MOK: variants seen among roughly 807,000 people sequenced by gnomAD.
The protein encoded by MOK is MAPK/MAK/MRK overlapping kinase.
In MOK, 59 loss-of-function variants were observed where a neutral mutation model predicts 54.2. The observed-to-expected ratio is 1.09, with a 90% CI of 0.88 to 1.35. MOK has a LOEUF of 1.35. MOK is among the 40% of genes most tolerant of loss of function. The pLI is 0.00. For missense variants in MOK, 517 were observed against 526.2 expected (o/e 0.98, Z 0.17); for synonymous variants, 210 against 202.7 (o/e 1.04, Z -0.31).
At position 102,251,129 on chromosome 14, in the gene MOK, T is replaced by C. The variant is rs77802581; in HGVS notation, c.412-139A>G. 4.1e-3 allele frequency: 3,626 copies of C among 882,572 alleles called. 80 individuals are homozygous for C. The highest frequency in any genetic ancestry group is 0.038 in the Admixed American group (1,378 of 36,020). The allele number at this position is 882,572 out of a possible 1,614,324, so 54.7% of individuals were successfully genotyped here. A position where few individuals can be genotyped will look rare whatever the true frequency, so the allele number is the denominator to read the frequency against. The stretch of plus-strand genomic sequence containing the variant: ...TGTAAAATACAAATTACTGGCTTTC[T>C]GAGCACCTCAAAGTGCCTCCAGCAG... On this transcript the variant is annotated intron_variant, in intron 6 of 11. Coordinates refer to ENST00000361847, the MANE Select transcript of MOK (RefSeq NM_014226.3).
intron 2 of MOK, among the ~76,000 whole-genome samples, chr14:102,271,647 C>T (rs2068376903): frequency 6.6e-6 from 1 of 152,036 alleles, no homozygotes; most frequent in African/African-American, 2.4e-5. Flanking sequence ...CAAACTCTGC[C>T]TCCAGGGTTC....
chr14:102,276,803 A>G (rs1398758403), intron 2 of MOK, among the ~76,000 whole-genome samples: 1 of 151,542 alleles, frequency 6.6e-6, no homozygotes, highest in Non-Finnish European at 1.5e-5. Flanking sequence ...AAAAAAAAAA[A>G]AAAGAAAAAG....
At chr14:102,262,001 C>T (rs972142455) in intron 4 of MOK, among the ~76,000 whole-genome samples, 28 of 151,800 alleles carry the variant, frequency 1.8e-4, no homozygotes, top group African/African-American at 5.6e-4. Flanking sequence ...CCACCACGCC[C>T]GGCTAATTTT....
intron 1 of MOK, among the ~76,000 whole-genome samples, chr14:102,296,947 A>C (rs1187750273): frequency 6.6e-6 from 1 of 152,082 alleles, no homozygotes; most frequent in Non-Finnish European, 1.5e-5. Context: ...AGTCCCATCT[A>C]CTTGGGAGGC....
intron 10 of MOK, 56 bp from the exon 11 acceptor site, chr14:102,229,713 T>C: frequency 6.8e-7 from 1 of 1,469,808 alleles, no homozygotes; most frequent in South Asian, 1.3e-5. Context: ...TTATGGAAAT[T>C]AGGAAAAACG....
At chr14:102,259,226 C>T (rs146041449) in intron 4 of MOK, among the ~76,000 whole-genome samples, 175 of 152,224 alleles carry the variant, frequency 1.1e-3, no homozygotes, top group Non-Finnish European at 2.1e-3. Flanking sequence ...TCATTATTAT[C>T]TTATTCTTTA....
At chr14:102,256,263 C>CT (rs1039710729) in intron 4 of MOK, among the ~76,000 whole-genome samples, 33 of 148,260 alleles carry the variant, frequency 2.2e-4, no homozygotes, top group South Asian at 4.3e-4. Flanking sequence ...CACCCGGATG[C>CT]TTTTTTTTTT....
chr14:102,223,111 T>C, downstream of MOK: 1 of 441,796 alleles, frequency 2.3e-6, no homozygotes, highest in Non-Finnish European at 4.0e-6. Flanking sequence ...CAGTAAAAAA[T>C]AAGAAATGGA....
At chr14:102,222,305 C>A (rs560133488), downstream of MOK, among the ~76,000 whole-genome samples, 1 of 152,222 alleles carries the variant, frequency 6.6e-6, no homozygotes, top group Non-Finnish European at 1.5e-5. This position sits in a 1 kb window ranked among gnomAD's most constrained non-coding sequence, Gnocchi z 4.4. Context: ...TGGACAGCTA[C>A]AGCCAGGGGG....
chr14:102,229,354 T>C lies in MOK; in HGVS notation c.1195A>G (p.Lys399Glu), dbSNP rs1567123795. The C allele has an allele frequency of 1.2e-6, 2 of 1,614,090 alleles. No individual in the cohort carries two copies. The highest frequency in any genetic ancestry group is 1.7e-6 in the Non-Finnish European group (2 of 1,180,036). ...TGCTGCGGGGCAGGCTTAAGGTCCTTCTGCGGATCTGTCTGTCAAAGAAAA... is the reference window on the plus strand; with the variant it reads ...TGCTGCGGGGCAGGCTTAAGGTCCTCCTGCGGATCTGTCTGTCAAAGAAAA... ...IPASKKTDPQ[K>E]DLKPAPQQCR... The change falls in exon 12 of 12, where the codon AAG becomes GAG. Residue 399 changes from lysine to glutamate, a missense_variant. By Grantham distance (56) the Lys-to-Glu change is moderately conservative. Coordinates refer to ENST00000361847, the MANE Select transcript of MOK (RefSeq NM_014226.3).
At chr14:102,215,101 C>T in the MOK span, 1 of 620,640 alleles carries the variant, frequency 1.6e-6, no homozygotes, top group Non-Finnish European at 2.0e-6. Context: ...AAATTAAGGA[C>T]CTTGTTAATG....
At chr14:102,297,947 T>C (rs1284726642) in intron 1 of MOK, among the ~76,000 whole-genome samples, 1 of 152,182 alleles carries the variant, frequency 6.6e-6, no homozygotes, top group Non-Finnish European at 1.5e-5. Flanking sequence ...CAGACCTGCA[T>C]CCCGCCATGC....
At chr14:102,273,844 G>A (rs1293691469) in intron 2 of MOK, among the ~76,000 whole-genome samples, 1 of 152,058 alleles carries the variant, frequency 6.6e-6, no homozygotes, top group African/African-American at 2.4e-5. Context: ...ATGGAGAGAC[G>A]GTTATACCAT....
At chr14:102,224,523 A>G (rs2064165434), downstream of MOK, 2 of 450,322 alleles carry the variant, frequency 4.4e-6, no homozygotes. Context: ...TTATTTTGTG[A>G]GACTTTAAAC....
intron 4 of MOK, among the ~76,000 whole-genome samples, chr14:102,261,238 A>G (rs2067367207): frequency 7.2e-6 from 1 of 138,638 alleles, no homozygotes; most frequent in African/African-American, 2.9e-5. Context: ...CTGGCAACAG[A>G]GCGAGACTCT....
chr14:102,277,994 T>C (rs1009039480), intron 2 of MOK, among the ~76,000 whole-genome samples: 1 of 152,146 alleles, frequency 6.6e-6, no homozygotes, highest in Non-Finnish European at 1.5e-5. Context: ...TTAGAGCACA[T>C]GGCATTAGTG....
At chr14:102,233,820 T>C (rs1370220128) in intron 7 of MOK, 31 bp from the exon 8 acceptor site, 2 of 1,536,794 alleles carry the variant, frequency 1.3e-6, no homozygotes, top group Non-Finnish European at 9.0e-7. Flanking sequence ...CTGTGGTCAG[T>C]GTTAGGGCAG....
chr14:102,229,890 C>T, intron 10 of MOK: 1 of 542,864 alleles, frequency 1.8e-6, no homozygotes, highest in Non-Finnish European at 3.2e-6. Context: ...CGACTGCAAG[C>T]TGAGCAGTGC....
chr14:102,241,517 T>C (rs1190874249), intron 7 of MOK, among the ~76,000 whole-genome samples: 1 of 152,228 alleles, frequency 6.6e-6, no homozygotes, highest in Non-Finnish European at 1.5e-5. Context: ...TTAGGCTCTT[T>C]TTCATCAAAT....
Sources: gnomAD v4.1 joint callset for allele counts (sites outside exome capture counted in the v4.1 genomes callset) on GRCh38, gnomAD v4.1.1 for gene constraint, Gnocchi (gnomAD v3.1) non-coding constraint, MANE v1.5 for transcripts, NCBI Gene and HGNC (gene_info 2026-07-23, HGNC 2026-07-21) for gene names.